HLCS: variants seen among roughly 807,000 people sequenced by gnomAD.
The protein encoded by HLCS is biotin--protein ligase.
Under a neutral mutation model 75.0 loss-of-function variants are expected in HLCS, and 53 were observed. The ratio of observed to expected loss-of-function variants is 0.71; its 90% CI spans 0.57 to 0.89. The LOEUF (loss-of-function observed/expected upper bound fraction) is 0.89, where lower values mean the gene tolerates loss of function less well. Among genes scored for constraint, HLCS ranks in the 40% least tolerant of loss-of-function variants. The pLI is 0.00. For missense variants in HLCS, 966 were observed against 1,074.0 expected (o/e 0.90, Z 1.41); for synonymous variants, 431 against 428.6 (o/e 1.01, Z -0.07).
chr21:36,910,749 A>C (rs965198981), intron 5 of HLCS, among the ~76,000 whole-genome samples: 1 of 152,068 alleles, frequency 6.6e-6, no homozygotes, highest in African/African-American at 2.4e-5. Flanking sequence ...CTGGTCCCTT[A>C]TGCGGCAGCT....
intron 6 of HLCS, among the ~76,000 whole-genome samples, chr21:36,837,339 G>A (rs1330514158): frequency 6.6e-6 from 1 of 152,140 alleles, no homozygotes; most frequent in Non-Finnish European, 1.5e-5. Context: ...TTTAATAAGT[G>A]GGGATCCTTT....
At chr21:36,870,931 C>CT in intron 6 of HLCS, among the ~76,000 whole-genome samples, 1 of 152,290 alleles carries the variant, frequency 6.6e-6, no homozygotes, top group Middle Eastern at 3.4e-3. Context: ...CAACTGGAGC[C>CT]TTAGAGAGGC....
intron 6 of HLCS, among the ~76,000 whole-genome samples, chr21:36,818,508 T>C (rs1236630747): frequency 6.6e-6 from 1 of 152,160 alleles, no homozygotes; most frequent in Non-Finnish European, 1.5e-5. Flanking sequence ...AGCCAAAATA[T>C]TTTTACATTA....
chr21:36,891,306 C>G (rs905877122), intron 6 of HLCS, among the ~76,000 whole-genome samples: 1 of 152,218 alleles, frequency 6.6e-6, no homozygotes. Flanking sequence ...TGCTGGACTT[C>G]CCATCTCAGC....
intron 5 of HLCS, among the ~76,000 whole-genome samples, chr21:36,898,169 C>T (rs889457418): frequency 6.6e-6 from 1 of 151,952 alleles, no homozygotes; most frequent in African/African-American, 2.4e-5. Context: ...TTCAGGTCCG[C>T]GCGCAGTGGT....
Position 36,966,428 on chromosome 21 carries a change from C to CCGG in HLCS, c.195+15_195+16insCCG. 2 of 397,352 alleles carry CCGG rather than the reference C, an allele frequency of 5.0e-6. No individual in the cohort carries two copies. The highest frequency in any genetic ancestry group is 6.8e-6 in the Non-Finnish European group (2 of 293,776). 24.6% of individuals were successfully genotyped at this position (397,352 alleles called of 1,614,324 possible). A position where few individuals can be genotyped will look rare whatever the true frequency, so the allele number is the denominator to read the frequency against. ...GCTCGCGGGGCCCGGGTCGCCCGCC[C>CCGG]GCCCGACCCGCCCACCTGGCTGTCG... is the stretch of plus-strand genomic sequence containing the variant. On this transcript the variant is annotated intron_variant, in intron 1 of 10. Transcript: ENST00000674895.
At chr21:36,963,202 ATCTC>A (rs1446547930) in intron 1 of HLCS, among the ~76,000 whole-genome samples, 2 of 152,132 alleles carry the variant, frequency 1.3e-5, no homozygotes, top group South Asian at 2.1e-4. Flanking sequence ...CTTTCCTGAA[ATCTC>A]TCTAAGAAAA....
At chr21:36,918,833 T>C (rs1368904316) in intron 5 of HLCS, among the ~76,000 whole-genome samples, 5 of 152,220 alleles carry the variant, frequency 3.3e-5, no homozygotes, top group Non-Finnish European at 7.3e-5. Flanking sequence ...TTACAGGGGT[T>C]AACATCAGTT....
intron 6 of HLCS, among the ~76,000 whole-genome samples, chr21:36,817,743 A>G (rs2061705375): frequency 6.6e-6 from 1 of 152,226 alleles, no homozygotes; most frequent in Non-Finnish European, 1.5e-5. Flanking sequence ...ATGCCTAAAA[A>G]AGAAGATTCT....
At chr21:36,899,555 C>T (rs544364797) in intron 5 of HLCS, among the ~76,000 whole-genome samples, 3 of 152,184 alleles carry the variant, frequency 2.0e-5, no homozygotes, top group South Asian at 2.1e-4. Flanking sequence ...ACCCAGGTGG[C>T]GGAGGTTGCA....
At chr21:36,846,316 A>T (rs1193527034) in intron 6 of HLCS, among the ~76,000 whole-genome samples, 1 of 152,188 alleles carries the variant, frequency 6.6e-6, no homozygotes, top group Non-Finnish European at 1.5e-5. Flanking sequence ...TAGGCACTCA[A>T]TAAATGTTGG....
chr21:36,910,190 G>A (rs767207376), intron 5 of HLCS, among the ~76,000 whole-genome samples: 1 of 152,242 alleles, frequency 6.6e-6, no homozygotes, highest in African/African-American at 2.4e-5. Flanking sequence ...TTTCATGTTC[G>A]CTTGGTGTCT....
chr21:36,906,049 C>CAAAAAAAAAAAAA (rs71328521), intron 5 of HLCS, among the ~76,000 whole-genome samples: 1 of 92,858 alleles, frequency 1.1e-5, no homozygotes, highest in Non-Finnish European at 2.2e-5. Context: ...GACTCCATCT[C>CAAAAAAAAAAAAA]AAAAAAAAAA....
In HLCS at chr21:36,835,009, C is replaced by T. The variant is rs142500179; in HGVS notation, c.1892+61851G>A. Among the ~76,000 whole-genome samples, 86 of 152,292 alleles carry T rather than the reference C, an allele frequency of 5.6e-4. No homozygotes were observed. The Middle Eastern group carries it at 0.017, about 30-fold the overall frequency. Reference sequence around the variant, plus strand: ...CTCTGACACCTGTTAGAAGCCTTCTCGAGAACAGAAGATTCTCGAGATTCC... The same window carrying T: ...CTCTGACACCTGTTAGAAGCCTTCTTGAGAACAGAAGATTCTCGAGATTCC... On this transcript the variant is annotated intron_variant, in intron 6 of 10. Coordinates refer to ENST00000674895, the MANE Select transcript of HLCS (RefSeq NM_001352514.2).
intron 5 of HLCS, among the ~76,000 whole-genome samples, chr21:36,906,608 A>C (rs1482029738): frequency 4.6e-5 from 7 of 152,068 alleles, no homozygotes; most frequent in African/African-American, 1.7e-4. Context: ...GAAGACTAAC[A>C]CTGTTAAGAT....
intron 1 of HLCS, among the ~76,000 whole-genome samples, chr21:36,984,213 TC>T (rs1284873366): frequency 3.3e-5 from 1 of 30,450 alleles, no homozygotes; most frequent in Non-Finnish European, 9.8e-5. Context: ...GGTAGAGTAG[TC>T]CCCCCTTATC....
intron 6 of HLCS, among the ~76,000 whole-genome samples, chr21:36,802,799 TC>T (rs2145924959): frequency 6.6e-6 from 1 of 152,150 alleles, no homozygotes; most frequent in South Asian, 2.1e-4. Context: ...AAAGGCACGA[TC>T]CCCACACAAT....
chr21:36,939,008 G>A lies in HLCS; in HGVS notation c.331-14C>T, dbSNP rs762599150. 2.1e-5 allele frequency: 34 copies of A among 1,596,450 alleles called. No individual in the cohort carries two copies. Among genetic ancestry groups the A allele is most frequent in the Non-Finnish European group, 2.4e-5 (28 of 1,175,836 alleles). On this transcript the variant is annotated splice_polypyrimidine_tract_variant and intron_variant, in intron 2 of 10. Transcript: ENST00000674895. ...CCACTTGACAATCTGAGAAAAAGCA[G>A]GAGAGGGAGGAGGTGGGAAAAGACA...
chr21:36,797,112 C>T (rs985532597), intron 6 of HLCS, among the ~76,000 whole-genome samples: 21 of 152,090 alleles, frequency 1.4e-4, no homozygotes, highest in African/African-American at 4.8e-4. Flanking sequence ...AGTGATCCAC[C>T]CGCCTCGGCC....
Sources: allele counts gnomAD v4.1 joint callset (sites outside exome capture counted in the v4.1 genomes callset), GRCh38; gene constraint gnomAD v4.1.1; transcripts MANE v1.5; gene names NCBI Gene and HGNC (gene_info 2026-07-23, HGNC 2026-07-21).